The following CWC15 variants were observed in gnomAD, a reference collection of about 807,000 sequenced individuals.
CWC15 encodes CWC15 spliceosome associated protein.
In CWC15, 12 loss-of-function variants were observed where a neutral mutation model predicts 28.4. The ratio of observed to expected loss-of-function variants is 0.42; its 90% CI spans 0.27 to 0.69. The LOEUF is 0.69. CWC15 is among the 30% of genes least tolerant of loss of function. The pLI, the probability that CWC15 is intolerant of heterozygous loss-of-function variation, is 0.23. For synonymous variants in CWC15, 92 were observed against 88.4 expected, an observed-to-expected ratio of 1.04 and a Z score of -0.23; for missense variants, 192 against 271.5, an observed-to-expected ratio of 0.71 and a Z score of 2.06.
intron 5 of CWC15, among the ~76,000 whole-genome samples, chr11:94,967,051 CTTTT>C (rs55894842): frequency 4.9e-5 from 7 of 142,994 alleles, no homozygotes; most frequent in Admixed American, 2.1e-4. Context: ...CTGAGTTTTT[CTTTT>C]TTTTTTTTTT....
At chr11:94,966,226 T>TATACACACACACAC in intron 6 of CWC15, 69 bp downstream of exon 6, 1 of 669,472 alleles carries the variant, frequency 1.5e-6, no homozygotes, top group Non-Finnish European at 2.6e-6. Flanking sequence ...CATACACATA[T>TATACACACACACAC]ACACACACAC....
At chr11:94,969,391 G>GA (rs1857687633) in intron 5 of CWC15, among the ~76,000 whole-genome samples, 1 of 152,098 alleles carries the variant, frequency 6.6e-6, no homozygotes, top group African/African-American at 2.4e-5. Context: ...ATGTCCTTTA[G>GA]AAAAAATCTA....
chr11:94,966,410 G>C lies in CWC15; in HGVS notation c.445C>G (p.Gln149Glu). The C allele has an allele frequency of 6.5e-7, 1 of 1,543,000 alleles. No homozygotes were observed. The highest frequency in any genetic ancestry group is 1.4e-5 in the African/African-American group (1 of 72,492). Residue 149 changes from glutamine (Q) to glutamate (E), a missense_variant, in exon 6 of 7, where the codon CAA becomes GAA. Around this residue, in one of 2 missense-constraint regions of CWC15, gnomAD observed 188 missense variants for 250.3 expected, o/e 0.75. Coordinates refer to ENST00000279839, the MANE Select transcript of CWC15 (RefSeq NM_016403.4). ...ERAEEQARKE[Q>E]EQKAEEERIR... ...CTCTCTTCTTCAGCTTTTTGTTCTT[G>C]TTCCTGTCAATGATAAAGGAAGATT...
At chr11:94,971,927 T>A (rs1857727944) in intron 2 of CWC15, 128 bp downstream of exon 2, 1 of 876,532 alleles carries the variant, frequency 1.1e-6, no homozygotes, top group Non-Finnish European at 1.7e-6. Flanking sequence ...GTGTTAAACA[T>A]CCTATTGCAT....
In CWC15 at chr11:94,971,502, A is replaced by T. The variant is rs1555096242; in HGVS notation, c.132-15T>A. The T allele has an allele frequency of 3.3e-6, 5 of 1,525,644 alleles. No homozygotes were observed. In the South Asian group the frequency reaches 4.7e-5, roughly 14 times the overall value. The allele number at this position is 1,525,644 out of a possible 1,614,324, so 94.5% of individuals were successfully genotyped here. The stretch of plus-strand genomic sequence containing the variant: ...GAGTAGTCTGTCTAAAGTAGAAACA[A>T]ACCAGGGCAAAAATGTTACTTAAAC... On this transcript the variant is annotated splice_polypyrimidine_tract_variant and intron_variant, in intron 2 of 6. Coordinates refer to ENST00000279839, the MANE Select transcript of CWC15 (RefSeq NM_016403.4).
At chr11:94,964,079 A>C (rs1346636965) in intron 6 of CWC15, among the ~76,000 whole-genome samples, 1 of 152,172 alleles carries the variant, frequency 6.6e-6, no homozygotes, top group Non-Finnish European at 1.5e-5. Context: ...TACCAGCTGA[A>C]GAGCTCAGAG....
intron 5 of CWC15, among the ~76,000 whole-genome samples, chr11:94,966,643 A>G (rs1555095358): frequency 6.7e-6 from 1 of 149,414 alleles, no homozygotes; most frequent in Admixed American, 6.8e-5. Context: ...TTCATGGTTG[A>G]TATCATACAG....
intron 6 of CWC15, among the ~76,000 whole-genome samples, chr11:94,965,858 T>G (rs1418853080): frequency 6.6e-6 from 1 of 152,206 alleles, no homozygotes; most frequent in Non-Finnish European, 1.5e-5. Flanking sequence ...TTTCCCTTTA[T>G]AATCTAGCTG....
rs1447749262 is a variant in CWC15 at position 94,966,224 on chromosome 11, T to TACAC, written c.560+70_560+71insGTGT. 1,742 of 733,560 alleles carry TACAC rather than the reference T, an allele frequency of 2.4e-3. 8 individuals carry two copies. Among genetic ancestry groups the TACAC allele is most frequent in the South Asian group, 0.013 (677 of 53,836 alleles). 45.4% of individuals were successfully genotyped at this position (733,560 alleles called of 1,614,324 possible). On this transcript the variant is annotated intron_variant, in intron 6 of 6. Coordinates refer to ENST00000279839, the MANE Select transcript of CWC15 (RefSeq NM_016403.4). ...ATGCCTGTGTGTATACACATACACA[T>TACAC]ATACACACACACACACACACACACA... is the stretch of plus-strand genomic sequence containing the variant.
intron 5 of CWC15, among the ~76,000 whole-genome samples, chr11:94,969,509 T>C (rs1248261587): frequency 6.6e-6 from 1 of 152,136 alleles, no homozygotes; most frequent in African/African-American, 2.4e-5. Flanking sequence ...ATTTTAACTA[T>C]CTTTGAGTTT....
At chr11:94,963,582 C>CT (rs2134097169) in intron 6 of CWC15, 68 bp from the exon 7 acceptor site, 1 of 1,380,330 alleles carries the variant, frequency 7.2e-7, no homozygotes, top group African/African-American at 1.5e-5. Context: ...ACTACATGCA[C>CT]TGCAAGGCTT....
chr11:94,966,112 A>C (rs1857636095), intron 6 of CWC15, among the ~76,000 whole-genome samples, 183 bp downstream of exon 6: 1 of 152,006 alleles, frequency 6.6e-6, no homozygotes, highest in Non-Finnish European at 1.5e-5. Flanking sequence ...CATTATTCCT[A>C]ATTGAACAGA....
At chr11:94,969,306 A>G (rs1857686719) in intron 5 of CWC15, among the ~76,000 whole-genome samples, 1 of 152,168 alleles carries the variant, frequency 6.6e-6, no homozygotes, top group Non-Finnish European at 1.5e-5. Context: ...TCCATCCTCC[A>G]TATTTTGCCA....
chr11:94,967,602 TAA>T (rs34420332), intron 5 of CWC15, among the ~76,000 whole-genome samples: 1 of 152,206 alleles, frequency 6.6e-6, no homozygotes, highest in Non-Finnish European at 1.5e-5. Flanking sequence ...GGAAGTCATT[TAA>T]AAAAAGTTAT....
At chr11:94,965,948 G>A (rs7952153) in intron 6 of CWC15, among the ~76,000 whole-genome samples, 75,648 of 151,966 alleles carry the variant, frequency 0.5, 19,103 homozygotes, top group Non-Finnish European at 0.53. Context: ...CTGAATGTGA[G>A]AGGCCATCTT....
chr11:94,970,064 A>T lies in CWC15; in HGVS notation c.366T>A (p.Asp122Glu). Reference sequence around the variant, plus strand: ...CAAGAAGAGCTGCAGTATCATCATCATCACTTTCTTCTTCAAAATCTTCAT... The same window carrying T: ...CAAGAAGAGCTGCAGTATCATCATCTTCACTTTCTTCTTCAAAATCTTCAT... ...EEDEDFEEESDDDDTAALLAE... is the reference protein window; with the variant it reads ...EEDEDFEEESEDDDTAALLAE... The change falls in exon 5 of 7, where the codon GAT becomes GAA. Residue 122 changes from aspartate to glutamate, a missense_variant. Around this residue, in one of 2 missense-constraint regions of CWC15, gnomAD observed 188 missense variants for 250.3 expected, o/e 0.75. Transcript: ENST00000279839. The T allele has an allele frequency of 6.4e-7, 1 of 1,564,156 alleles. No individual in the cohort carries two copies. Among genetic ancestry groups the T allele is most frequent in the Non-Finnish European group, 8.7e-7 (1 of 1,152,832 alleles).
chr11:94,972,865 C>CA lies in CWC15; in HGVS notation c.-9+632dup, dbSNP rs200766889. On this transcript the variant is annotated intron_variant, in intron 1 of 6. Transcript: ENST00000279839. ...TGTGGGTTATAATTTAAGGCCTGTT[C>CA]AAAAAAAACAGGAACCTCACCCCCA... 5.8e-3 allele frequency among the ~76,000 whole-genome samples: 874 copies of CA among 151,812 alleles called. 6 individuals are homozygous for CA. The highest frequency in any genetic ancestry group is 0.03 in the South Asian group (146 of 4,812).
chr11:94,969,728 G>T lies in CWC15; in HGVS notation c.441+261C>A, dbSNP rs140014770. Among the ~76,000 whole-genome samples, 19 of 152,136 alleles carry T rather than the reference G, an allele frequency of 1.2e-4. No homozygotes were observed. In the East Asian group the frequency reaches 3.7e-3, roughly 29 times the overall value. Reference sequence around the variant, plus strand: ...AATTAACAGATATCGACTAAATGTTGAACAAATGAATAAACAAGTAAATGA... The same window carrying T: ...AATTAACAGATATCGACTAAATGTTTAACAAATGAATAAACAAGTAAATGA... On this transcript the variant is annotated intron_variant, in intron 5 of 6. Transcript: ENST00000279839.
intron 6 of CWC15, among the ~76,000 whole-genome samples, chr11:94,965,352 CTGTTT>C (rs1857624305): frequency 6.6e-6 from 1 of 152,134 alleles, no homozygotes; most frequent in Non-Finnish European, 1.5e-5. Flanking sequence ...GTAAGCTTTT[CTGTTT>C]TATTTTATAT....
Sources: gnomAD v4.1 joint callset for allele counts (sites outside exome capture counted in the v4.1 genomes callset) on GRCh38, gnomAD v4.1.1 for gene constraint, gnomAD v4.1.1 regional missense constraint, MANE v1.5 for transcripts, NCBI Gene and HGNC (gene_info 2026-07-23, HGNC 2026-07-21) for gene names.